The following FUNDC2 variants were observed in gnomAD, a reference collection of about 807,000 sequenced individuals.
FUNDC2 encodes FUN14 domain containing 2, also known as FUN14 domain-containing protein 2.
In FUNDC2, 4 loss-of-function variants were observed where a neutral mutation model predicts 15.6. The ratio of observed to expected loss-of-function variants is 0.26; its 90% CI spans 0.13 to 0.59. The LOEUF is 0.59. Ranked by LOEUF, FUNDC2 falls within the 20% of genes least tolerant of loss-of-function variation. The probability of loss-of-function intolerance (pLI) is 0.90; values close to 1 mark genes in which losing one functional copy is unlikely to be tolerated. For synonymous variants in FUNDC2, 44 were observed against 56.9 expected (o/e 0.77, Z 1.02); for missense variants, 98 against 149.7 (o/e 0.65, Z 1.80).
Position 155,026,864 on chromosome X carries a change from G to T in FUNDC2, c.-75G>T. 1 of 1,150,329 alleles carries T rather than the reference G, an allele frequency of 8.7e-7. No homozygotes were observed. The highest frequency in any genetic ancestry group is 1.8e-5 in the African/African-American group (1 of 55,497). The allele number at this position is 1,150,329 out of a possible 1,213,427, so 94.8% of individuals were successfully genotyped here. On this transcript the variant is annotated 5_prime_UTR_variant, in exon 1 of 5. Transcript: ENST00000369498. ...CCTGTGACACCGCACGCTGAGCTCTGTGATGTAGCCGCTTGCGGAGACTGC... is the reference window on the plus strand; with the variant it reads ...CCTGTGACACCGCACGCTGAGCTCTTTGATGTAGCCGCTTGCGGAGACTGC...
rs943542894 is a variant in FUNDC2 at position 155,055,540 on chromosome X, T to C, written c.*868T>C. ...GATTCAGAATTAAGAAAGATAGTGATAGGACATGAGAAATAAATTTCCATC... is the reference window on the plus strand; with the variant it reads ...GATTCAGAATTAAGAAAGATAGTGACAGGACATGAGAAATAAATTTCCATC... On this transcript the variant is annotated 3_prime_UTR_variant, in exon 5 of 5. Transcript: ENST00000369498. The C allele has an allele frequency of 3.7e-6, 1 of 270,275 alleles. No individual in the cohort carries two copies. The highest frequency in any genetic ancestry group is 2.8e-5 in the African/African-American group (1 of 35,447). The allele number at this position is 270,275 out of a possible 1,213,427, so 22.3% of individuals were successfully genotyped here. A position where few individuals can be genotyped will look rare whatever the true frequency, so the allele number is the denominator to read the frequency against.
intron 2 of FUNDC2, among the ~76,000 whole-genome samples, chrX:155,040,995 A>C (rs1202612443): frequency 1.8e-5 from 2 of 112,401 alleles, no homozygotes; most frequent in African/African-American, 6.5e-5. Flanking sequence ...TCTTTGATAC[A>C]AGAAAGTTTT....
At chrX:155,027,215 C>T (rs1285678555) in intron 1 of FUNDC2, 144 bp downstream of exon 1, 30 of 642,396 alleles carry the variant, frequency 4.7e-5, no homozygotes, top group Non-Finnish European at 6.1e-5. Flanking sequence ...GCTCGGGGAT[C>T]GCCCCTGGCT....
chrX:155,050,775 C>G (rs2073877352), intron 3 of FUNDC2: 1 of 111,741 alleles, frequency 8.9e-6, no homozygotes, highest in South Asian at 3.7e-4. Flanking sequence ...TTAAAGTGAA[C>G]TTTCTTACTG....
chrX:155,047,355 G>C (rs890297759), intron 3 of FUNDC2: 1 of 342,532 alleles, frequency 2.9e-6, no homozygotes, highest in East Asian at 9.7e-5. Context: ...ACAGCCGTTT[G>C]TCTCTTCCCA....
At chrX:155,049,269 C>T (rs1038138913) in intron 3 of FUNDC2, 1 of 112,897 alleles carries the variant, frequency 8.9e-6, no homozygotes, top group Non-Finnish European at 1.9e-5. Context: ...TTTGCCCCTG[C>T]AGTGCAGTCC....
intron 2 of FUNDC2, among the ~76,000 whole-genome samples, chrX:155,037,715 C>T (rs782444096): frequency 4.7e-4 from 51 of 109,443 alleles, no homozygotes; most frequent in Non-Finnish European, 9.3e-4. Context: ...AACTCCTGAC[C>T]TCAAATGATC....
rs139408034 is a variant in FUNDC2, at chrX:155,053,006, C to T, written c.492+1205C>T. Among the ~76,000 whole-genome samples the T allele has an allele frequency of 7.8e-3, 869 of 111,077 alleles. 10 individuals carry two copies. Among genetic ancestry groups the T allele is most frequent in the African/African-American group, 0.026 (794 of 30,469 alleles). On this transcript the variant is annotated intron_variant, in intron 4 of 4. Coordinates refer to ENST00000369498, the MANE Select transcript of FUNDC2 (RefSeq NM_023934.4). ...ACCTCAGCCTTCTGAGTAGCTGGGT[C>T]TATAGGTGTGTACCACCACACCCGG... is the stretch of plus-strand genomic sequence containing the variant.
intron 2 of FUNDC2, among the ~76,000 whole-genome samples, chrX:155,035,186 C>A (rs1465978140): frequency 9.0e-6 from 1 of 111,219 alleles, no homozygotes; most frequent in Non-Finnish European, 1.9e-5. Context: ...TATTATCCAC[C>A]TGGAATTGTT....
Position 155,055,015 on chromosome X carries a change from C to A in FUNDC2, c.*343C>A. ...GATGAGTGGATCCTGAAAGGTTGTCCCAAACTGTTGATTTGGAAAAGAAAT... is the reference window on the plus strand; with the variant it reads ...GATGAGTGGATCCTGAAAGGTTGTCACAAACTGTTGATTTGGAAAAGAAAT... On this transcript the variant is annotated 3_prime_UTR_variant, in exon 5 of 5. Transcript: ENST00000369498. The A allele has an allele frequency of 3.1e-6, 1 of 319,697 alleles. No homozygotes were observed. The highest frequency in any genetic ancestry group is 5.4e-6 in the Non-Finnish European group (1 of 183,855). 26.3% of individuals were successfully genotyped at this position (319,697 alleles called of 1,213,427 possible). A position where few individuals can be genotyped will look rare whatever the true frequency, so the allele number is the denominator to read the frequency against.
At position 155,058,739 on chromosome X, in the gene FUNDC2, A is replaced by G. The variant is rs2073917333; in HGVS notation, c.*4067A>G. Reference sequence around the variant, plus strand: ...GGGCAGAAAACCTATTTTAGTTCTGAGCCTGATTTTTCTAGAAGTCATATG... The same window carrying G: ...GGGCAGAAAACCTATTTTAGTTCTGGGCCTGATTTTTCTAGAAGTCATATG... On this transcript the variant is annotated 3_prime_UTR_variant, in exon 5 of 5. Coordinates refer to ENST00000369498, the MANE Select transcript of FUNDC2 (RefSeq NM_023934.4). 9.0e-6 allele frequency: 1 copy of G among 110,848 alleles called. No homozygotes were observed. Among genetic ancestry groups the G allele is most frequent in the Non-Finnish European group, 1.9e-5 (1 of 52,932 alleles). The allele number at this position is 110,848 out of a possible 1,213,427, so 9.1% of individuals were successfully genotyped here. A position where few individuals can be genotyped will look rare whatever the true frequency, so the allele number is the denominator to read the frequency against.
chrX:155,046,374 G>A, intron 2 of FUNDC2, 135 bp from the exon 3 acceptor site: 1 of 536,226 alleles, frequency 1.9e-6, no homozygotes, highest in Non-Finnish European at 3.3e-6. Context: ...TGCTCCTCTT[G>A]GGGCTGGCTT....
At position 155,058,708 on chromosome X, in the gene FUNDC2, G is replaced by C. The variant is rs1394640533; in HGVS notation, c.*4036G>C. 1 of 110,727 alleles carries C rather than the reference G, an allele frequency of 9.0e-6. No individual in the cohort carries two copies. Among genetic ancestry groups the C allele is most frequent in the African/African-American group, 3.3e-5 (1 of 30,390 alleles). The allele number at this position is 110,727 out of a possible 1,213,427, so 9.1% of individuals were successfully genotyped here. A position where few individuals can be genotyped will look rare whatever the true frequency, so the allele number is the denominator to read the frequency against. ...TCTAAGAGGTCACACTAACATCTGA[G>C]TAATTGGGCAGAAAACCTATTTTAG... is the stretch of plus-strand genomic sequence containing the variant. On this transcript the variant is annotated 3_prime_UTR_variant, in exon 5 of 5. Transcript: ENST00000369498.
Position 155,060,169 on chromosome X carries a change from G to A in FUNDC2, c.*5497G>A, listed in dbSNP as rs976688902. On this transcript the variant is annotated 3_prime_UTR_variant, in exon 5 of 5. Transcript: ENST00000369498. ...GTAGTTAACTCAGTAAAAATAACTT[G>A]GCAATAAAACACAGAAAAACAATCT... 3 of 112,059 alleles carry A rather than the reference G, an allele frequency of 2.7e-5. No individual in the cohort carries two copies. The highest frequency in any genetic ancestry group is 9.7e-5 in the African/African-American group (3 of 30,791). 9.2% of individuals were successfully genotyped at this position (112,059 alleles called of 1,213,427 possible). A position where few individuals can be genotyped will look rare whatever the true frequency, so the allele number is the denominator to read the frequency against.
At chrX:155,038,887 T>C (rs1053252668) in intron 2 of FUNDC2, among the ~76,000 whole-genome samples, 14 of 112,418 alleles carry the variant, frequency 1.2e-4, no homozygotes, top group African/African-American at 4.5e-4. Flanking sequence ...AATCATATGT[T>C]ATTAGTTCTA....
intron 4 of FUNDC2, among the ~76,000 whole-genome samples, chrX:155,053,406 C>CT (rs2073884514): frequency 8.9e-6 from 1 of 111,790 alleles, no homozygotes; most frequent in Non-Finnish European, 1.9e-5. Context: ...AACAAGATGA[C>CT]TTCAGTGAGA....
chrX:155,039,279 C>T (rs1347329105), intron 2 of FUNDC2, among the ~76,000 whole-genome samples: 1 of 112,162 alleles, frequency 8.9e-6, no homozygotes, highest in African/African-American at 3.2e-5. Context: ...ATATGCTTTG[C>T]AAATATTTTC....
chrX:155,043,689 T>G (rs1199585777), intron 2 of FUNDC2, among the ~76,000 whole-genome samples: 1 of 112,453 alleles, frequency 8.9e-6, no homozygotes, highest in Non-Finnish European at 1.9e-5. Flanking sequence ...ATTCTAAATA[T>G]GTCAGTTACT....
chrX:155,053,454 G>GCGAGTTGAAAGCCAAATTAT (rs1365924209), intron 4 of FUNDC2, among the ~76,000 whole-genome samples: 2 of 111,890 alleles, frequency 1.8e-5, no homozygotes, highest in African/African-American at 6.5e-5. Flanking sequence ...AGCCAAATTA[G>GCGAGTTGAAAGCCAAATTAT]CAAGTTGAAG....
Sources: gnomAD v4.1 joint callset for allele counts (sites outside exome capture counted in the v4.1 genomes callset) on GRCh38, gnomAD v4.1.1 for gene constraint, MANE v1.5 for transcripts, NCBI Gene and HGNC (gene_info 2026-07-23, HGNC 2026-07-21) for gene names.